The following SPOCK1 variants were observed in gnomAD, a reference collection of about 807,000 sequenced individuals.
The protein encoded by SPOCK1 is SPARC (osteonectin), cwcv and kazal like domains proteoglycan 1.
SPOCK1 carries 23 observed loss-of-function variants against 55.3 expected under a neutral mutation model. That is an observed-to-expected ratio of 0.42 (90% CI 0.30 to 0.59). SPOCK1 has a LOEUF of 0.59. Ranked by LOEUF, SPOCK1 falls within the 20% of genes least tolerant of loss-of-function variation. The pLI is 0.22. For missense variants in SPOCK1, 499 were observed against 552.5 expected (o/e 0.90, Z 0.97); for synonymous variants, 226 against 221.0 (o/e 1.02, Z -0.20).
intron 6 of SPOCK1, among the ~76,000 whole-genome samples, chr5:136,996,047 G>A (rs1197620729): frequency 5.9e-5 from 9 of 152,160 alleles, no homozygotes; most frequent in Admixed American, 2.6e-4. Flanking sequence ...CCTGCAGAGG[G>A]CTATTTGTTC....
At chr5:137,090,360 G>A (rs1276366932) in intron 5 of SPOCK1, among the ~76,000 whole-genome samples, 1 of 152,104 alleles carries the variant, frequency 6.6e-6, no homozygotes, top group African/African-American at 2.4e-5. Flanking sequence ...TGTTGTGTAA[G>A]ACAGAATTTT....
intron 2 of SPOCK1, among the ~76,000 whole-genome samples, chr5:137,481,439 G>C (rs146446384): frequency 6.3e-4 from 96 of 152,222 alleles, no homozygotes; most frequent in Non-Finnish European, 1.0e-3. Flanking sequence ...AATTTTACTA[G>C]GTCAAAAATA....
At chr5:137,408,562 C>G (rs552553848) in intron 2 of SPOCK1, among the ~76,000 whole-genome samples, 1 of 152,322 alleles carries the variant, frequency 6.6e-6, no homozygotes, top group East Asian at 1.9e-4. Context: ...AATCCAAACC[C>G]ATTCTTGAGA....
intron 4 of SPOCK1, among the ~76,000 whole-genome samples, chr5:137,119,219 C>T (rs1753643618): frequency 6.6e-6 from 1 of 152,190 alleles, no homozygotes; most frequent in Non-Finnish European, 1.5e-5. Flanking sequence ...ATGCATTTTA[C>T]TTTCATGTTA....
intron 6 of SPOCK1, among the ~76,000 whole-genome samples, chr5:137,058,806 G>C (rs59081999): frequency 1.3e-5 from 2 of 152,014 alleles, no homozygotes; most frequent in African/African-American, 4.8e-5. Flanking sequence ...CCTAGGAGAT[G>C]GTCAGTGCCA....
chr5:137,060,715 T>A (rs1261808122), intron 6 of SPOCK1, among the ~76,000 whole-genome samples: 2 of 152,170 alleles, frequency 1.3e-5, no homozygotes, highest in East Asian at 1.9e-4. Flanking sequence ...CAAACCTCTA[T>A]CCCGTTCACT....
chr5:137,083,169 G>A (rs141840653), intron 5 of SPOCK1, among the ~76,000 whole-genome samples: 311 of 152,258 alleles, frequency 2.0e-3, no homozygotes, highest in African/African-American at 5.9e-3. Flanking sequence ...ACATTGTGGC[G>A]CCCTCATCAT....
chr5:137,029,040 T>C (rs571817455), intron 6 of SPOCK1, among the ~76,000 whole-genome samples: 5 of 152,134 alleles, frequency 3.3e-5, no homozygotes, highest in Non-Finnish European at 7.3e-5. Context: ...CTGAGTCCCC[T>C]TGCTCTAATT....
chr5:137,450,929 C>T (rs1201978855), intron 2 of SPOCK1, among the ~76,000 whole-genome samples: 1 of 152,158 alleles, frequency 6.6e-6, no homozygotes, highest in African/African-American at 2.4e-5. Context: ...CTCTTCCAAA[C>T]TCCTCCACAG....
intron 3 of SPOCK1, among the ~76,000 whole-genome samples, chr5:137,148,117 C>G (rs917230888): frequency 4.6e-5 from 7 of 152,148 alleles, no homozygotes; most frequent in Non-Finnish European, 8.8e-5. Flanking sequence ...TATCTCATAT[C>G]CTGTCTGCAG....
At chr5:137,436,117 C>T (rs1561535324) in intron 2 of SPOCK1, among the ~76,000 whole-genome samples, 1 of 152,130 alleles carries the variant, frequency 6.6e-6, no homozygotes, top group Non-Finnish European at 1.5e-5. Flanking sequence ...AGAATTACAC[C>T]ACTGCACTCC....
At chr5:137,057,087 T>A (rs574441192) in intron 6 of SPOCK1, among the ~76,000 whole-genome samples, 98 of 152,262 alleles carry the variant, frequency 6.4e-4, no homozygotes, top group Non-Finnish European at 1.1e-3. Context: ...TCCCCTAAAT[T>A]GTTCTGAAGT....
intron 3 of SPOCK1, among the ~76,000 whole-genome samples, chr5:137,179,045 A>C (rs1003089121): frequency 1.3e-5 from 2 of 152,214 alleles, no homozygotes; most frequent in African/African-American, 4.8e-5. Context: ...ATGACTGACT[A>C]CAGAGTATTT....
intron 2 of SPOCK1, among the ~76,000 whole-genome samples, chr5:137,422,409 C>T (rs1752518439): frequency 6.6e-6 from 1 of 152,256 alleles, no homozygotes; most frequent in Non-Finnish European, 1.5e-5. Context: ...CTCCCCATCA[C>T]TTTCAGGTAC....
chr5:137,368,856 T>C (rs1423401064), intron 2 of SPOCK1, among the ~76,000 whole-genome samples: 2 of 152,218 alleles, frequency 1.3e-5, no homozygotes, highest in Non-Finnish European at 1.5e-5. Context: ...CTGTATCTTA[T>C]TAAAATGGCC....
At chr5:137,048,743 C>T (rs1285919308) in intron 6 of SPOCK1, among the ~76,000 whole-genome samples, 1 of 106,262 alleles carries the variant, frequency 9.4e-6, no homozygotes, top group Non-Finnish European at 1.9e-5. Context: ...TCTCGATGGT[C>T]TTTACATTTT....
intron 2 of SPOCK1, among the ~76,000 whole-genome samples, chr5:137,375,847 C>G (rs1053021193): frequency 6.6e-6 from 1 of 152,212 alleles, no homozygotes; most frequent in African/African-American, 2.4e-5. Flanking sequence ...CCAGCTACCC[C>G]AGTCCACCCT....
intron 5 of SPOCK1, among the ~76,000 whole-genome samples, chr5:137,096,544 T>A (rs1306279273): frequency 6.6e-6 from 1 of 152,078 alleles, no homozygotes; most frequent in Non-Finnish European, 1.5e-5. Flanking sequence ...AGGGAGAAAT[T>A]AACGCAGGCA....
chr5:137,372,028 C>A (rs1298046643), intron 2 of SPOCK1, among the ~76,000 whole-genome samples: 1 of 152,186 alleles, frequency 6.6e-6, no homozygotes, highest in African/African-American at 2.4e-5. Context: ...CCCAACATAT[C>A]CAAACTATCA....
Sources: gnomAD v4.1 joint callset for allele counts (sites outside exome capture counted in the v4.1 genomes callset) on GRCh38, gnomAD v4.1.1 for gene constraint, MANE v1.5 for transcripts, NCBI Gene and HGNC (gene_info 2026-07-23, HGNC 2026-07-21) for gene names.